PCDH11X: variants seen among roughly 807,000 people sequenced by gnomAD.
PCDH11X encodes protocadherin-11 X-linked.
In PCDH11X, 18 loss-of-function variants were observed where a neutral mutation model predicts 53.3. The observed-to-expected ratio is 0.34, with a 90% confidence interval of 0.23 to 0.50. The LOEUF is 0.50. Among genes scored for constraint, PCDH11X ranks in the 20% least tolerant of loss-of-function variants. The pLI is 0.98. For synonymous variants in PCDH11X, 279 were observed against 393.3 expected, an observed-to-expected ratio of 0.71 and a Z score of 3.44; for missense variants, 570 against 1,032.4, an observed-to-expected ratio of 0.55 and a Z score of 6.14.
chrX:92,565,757 T>A (rs1415910945), intron 10 of PCDH11X, among the ~76,000 whole-genome samples: 1 of 105,444 alleles, frequency 9.5e-6, no homozygotes, highest in African/African-American at 3.4e-5. Flanking sequence ...CAATAATAAT[T>A]TAATTGTACA....
intron 6 of PCDH11X, among the ~76,000 whole-genome samples, chrX:92,025,163 A>T (rs935441361): frequency 1.9e-4 from 21 of 111,042 alleles, no homozygotes; most frequent in Non-Finnish European, 3.2e-4. Context: ...CACAGCAAAA[A>T]AAAACTATCA....
chrX:92,160,964 TA>T lies in PCDH11X; in HGVS notation c.3034-40410del, dbSNP rs1301104829. On this transcript the variant is annotated intron_variant, in intron 6 of 10. Transcript: ENST00000682573. ...TTCTTATATGTTTGTTGGCCACTTG[TA>T]TATCTTCTGTTGAGACATGTCTATT... Among the ~76,000 whole-genome samples the T allele has an allele frequency of 2.7e-5, 3 of 111,751 alleles. No homozygotes were observed. The East Asian group carries it at 8.4e-4, about 31-fold the overall frequency.
At chrX:92,207,187 C>T (rs12690297) in intron 7 of PCDH11X, among the ~76,000 whole-genome samples, 27,413 of 110,773 alleles carry the variant, frequency 0.25, 2,752 homozygotes, top group Admixed American at 0.48. Flanking sequence ...ACATTCACTG[C>T]AGCAAATATG....
intron 10 of PCDH11X, among the ~76,000 whole-genome samples, chrX:92,610,946 T>C (rs1927302091): frequency 9.0e-6 from 1 of 111,548 alleles, no homozygotes; most frequent in South Asian, 3.7e-4. Flanking sequence ...TTCTGTTCCA[T>C]TGGTCTATGT....
At chrX:92,547,520 C>A (rs1163617321) in intron 10 of PCDH11X, among the ~76,000 whole-genome samples, 5 of 108,950 alleles carry the variant, frequency 4.6e-5, no homozygotes, top group Admixed American at 4.0e-4. Flanking sequence ...TCCCTTTCTC[C>A]CTCTCTCTCC....
At chrX:92,541,745 A>C (rs2074762112) in intron 10 of PCDH11X, among the ~76,000 whole-genome samples, 1 of 108,262 alleles carries the variant, frequency 9.2e-6, no homozygotes, top group African/African-American at 3.4e-5. Context: ...TCACTATAAA[A>C]AGGAGTTCGA....
intron 10 of PCDH11X, among the ~76,000 whole-genome samples, chrX:92,608,392 C>A (rs1426005456): frequency 1.2e-4 from 13 of 105,319 alleles, no homozygotes; most frequent in Middle Eastern, 5.0e-3. Flanking sequence ...ATACCATGCA[C>A]CTGAACAAAA....
chrX:92,211,877 T>C (rs2066593004), intron 7 of PCDH11X, among the ~76,000 whole-genome samples: 1 of 111,667 alleles, frequency 9.0e-6, no homozygotes, highest in African/African-American at 3.3e-5. Context: ...CTAGTGTCTT[T>C]ACTTATTTTC....
At chrX:92,419,617 T>C (rs1212391575) in intron 9 of PCDH11X, among the ~76,000 whole-genome samples, 1 of 105,887 alleles carries the variant, frequency 9.4e-6, no homozygotes, top group African/African-American at 3.4e-5. Flanking sequence ...TTTTAATAGG[T>C]GTTTCCTATT....
intron 9 of PCDH11X, among the ~76,000 whole-genome samples, chrX:92,393,907 T>G (rs2071187033): frequency 9.0e-6 from 1 of 111,411 alleles, no homozygotes; most frequent in Non-Finnish European, 1.9e-5. Context: ...GTATATTAAT[T>G]TTACCATTTA....
intron 5 of PCDH11X, among the ~76,000 whole-genome samples, chrX:91,852,844 A>G (rs981820496): frequency 9.5e-6 from 1 of 105,649 alleles, no homozygotes; most frequent in Non-Finnish European, 1.9e-5. Context: ...AATTTCAACA[A>G]TAGAAAACCA....
intron 9 of PCDH11X, among the ~76,000 whole-genome samples, chrX:92,452,463 GTATATATATATATATATATATA>G (rs763381982): frequency 9.6e-4 from 43 of 44,715 alleles, no homozygotes; most frequent in African/African-American, 3.9e-3. Flanking sequence ...GTGTGTGTGT[GTATATATATATATATATATATA>G]TATATATATA....
intron 8 of PCDH11X, among the ~76,000 whole-genome samples, chrX:92,331,467 A>G (rs1447897611): frequency 1.9e-5 from 2 of 103,561 alleles, no homozygotes; most frequent in Admixed American, 1.1e-4. Flanking sequence ...GTAACTGCCT[A>G]TGCTAGCTAT....
At chrX:92,193,639 A>C (rs2066239674) in intron 6 of PCDH11X, among the ~76,000 whole-genome samples, 1 of 111,367 alleles carries the variant, frequency 9.0e-6, no homozygotes, top group Admixed American at 9.7e-5. Flanking sequence ...TTGCTTTAAC[A>C]TAATAAATTA....
chrX:92,447,511 T>C (rs1195079641), intron 9 of PCDH11X, among the ~76,000 whole-genome samples: 1 of 111,417 alleles, frequency 9.0e-6, no homozygotes, highest in Admixed American at 9.5e-5. Flanking sequence ...CCATGTGATG[T>C]TGGGCCTGTG....
intron 6 of PCDH11X, among the ~76,000 whole-genome samples, chrX:92,054,820 C>CAAAAAAAAA (rs1174448342): frequency 2.4e-4 from 6 of 25,338 alleles, no homozygotes; most frequent in Admixed American, 1.2e-3. Flanking sequence ...AACTCTGTCT[C>CAAAAAAAAA]AAAAAAAAAA....
chrX:92,196,550 G>A (rs901936686), intron 6 of PCDH11X, among the ~76,000 whole-genome samples: 6 of 110,923 alleles, frequency 5.4e-5, no homozygotes, highest in Non-Finnish European at 1.1e-4. Context: ...TGCCTTACCC[G>A]TTCCCAGCAC....
chrX:92,573,051 G>C (rs1232079796), intron 10 of PCDH11X, among the ~76,000 whole-genome samples: 1 of 110,962 alleles, frequency 9.0e-6, no homozygotes, highest in East Asian at 2.8e-4. Context: ...TGAATTGAAT[G>C]CTTTTGAATG....
At chrX:92,248,118 T>G (rs2067385790) in intron 7 of PCDH11X, among the ~76,000 whole-genome samples, 1 of 111,548 alleles carries the variant, frequency 9.0e-6, no homozygotes, top group Admixed American at 9.6e-5. Flanking sequence ...ACAGAGAGAA[T>G]AGAGTAGCAT....
Sources: allele counts gnomAD v4.1 joint callset (sites outside exome capture counted in the v4.1 genomes callset), GRCh38; gene constraint gnomAD v4.1.1; transcripts MANE v1.5; gene names NCBI Gene and HGNC (gene_info 2026-07-23, HGNC 2026-07-21).